The following CCDC85A variants were observed in gnomAD, a reference collection of about 807,000 sequenced individuals.
The protein encoded by CCDC85A is coiled-coil domain containing 85A.
CCDC85A carries 38 observed loss-of-function variants against 50.2 expected under a neutral mutation model. The ratio of observed to expected loss-of-function variants is 0.76; its 90% CI spans 0.58 to 0.99. CCDC85A has a LOEUF of 0.99. Among genes scored for constraint, CCDC85A ranks in the 50% least tolerant of loss-of-function variants. The pLI is 0.00. For missense variants in CCDC85A, 820 were observed against 742.0 expected (o/e 1.11, Z -1.22); for synonymous variants, 366 against 301.4 (o/e 1.21, Z -2.22).
chr2:56,255,876 G>C (rs570495574), intron 2 of CCDC85A, among the ~76,000 whole-genome samples: 1 of 152,264 alleles, frequency 6.6e-6, no homozygotes, highest in Non-Finnish European at 1.5e-5. Flanking sequence ...AGAGACAAGA[G>C]TGGAAGAAAT....
chr2:56,220,996 A>G (rs928190361), intron 2 of CCDC85A, among the ~76,000 whole-genome samples: 1 of 151,956 alleles, frequency 6.6e-6, no homozygotes, highest in Non-Finnish European at 1.5e-5. Flanking sequence ...CATTTGGCCC[A>G]CTGGATTGGA....
chr2:56,184,457 A>T lies in CCDC85A; in HGVS notation c.-168A>T, dbSNP rs1675902840. The T allele has an allele frequency of 2.8e-6, 2 of 707,676 alleles. No homozygotes were observed. The highest frequency in any genetic ancestry group is 4.6e-5 in the Admixed American group (1 of 21,796). The allele number at this position is 707,676 out of a possible 1,614,324, so 43.8% of individuals were successfully genotyped here. A position where few individuals can be genotyped will look rare whatever the true frequency, so the allele number is the denominator to read the frequency against. On this transcript the variant is annotated 5_prime_UTR_variant, in exon 1 of 6. The change abolishes an upstream ATG in the 5' untranslated region. Transcript: ENST00000407595. ...GCGCGCGCGGGGATGGCGAGGTAGG[A>T]TGGCCACCCAGCGCGACCCCCGCCG...
At chr2:56,233,264 T>G (rs1434524876) in intron 2 of CCDC85A, among the ~76,000 whole-genome samples, 1 of 150,724 alleles carries the variant, frequency 6.6e-6, no homozygotes, top group African/African-American at 2.5e-5. Flanking sequence ...TAAGTCAAAT[T>G]ACATAACAGG....
chr2:56,251,782 C>G (rs994919150), intron 2 of CCDC85A, among the ~76,000 whole-genome samples: 6 of 151,968 alleles, frequency 3.9e-5, no homozygotes, highest in Admixed American at 2.0e-4. Flanking sequence ...GGATAAGGAC[C>G]AGGAAGCTCT....
At chr2:56,336,616 C>A (rs1674087522) in intron 2 of CCDC85A, among the ~76,000 whole-genome samples, 1 of 152,132 alleles carries the variant, frequency 6.6e-6, no homozygotes, top group Non-Finnish European at 1.5e-5. Flanking sequence ...CAATAATAAA[C>A]CTTTTATATA....
chr2:56,336,319 A>G (rs1159622094), intron 2 of CCDC85A, among the ~76,000 whole-genome samples: 1 of 151,850 alleles, frequency 6.6e-6, no homozygotes, highest in African/African-American at 2.4e-5. Flanking sequence ...ACACCTGGCT[A>G]ATTTTTGTAT....
At chr2:56,356,235 C>G (rs922968636) in intron 3 of CCDC85A, among the ~76,000 whole-genome samples, 15 of 152,294 alleles carry the variant, frequency 9.8e-5, no homozygotes, top group Admixed American at 4.6e-4. Flanking sequence ...TTAACAGAAG[C>G]TACAGTTAAA....
intron 2 of CCDC85A, among the ~76,000 whole-genome samples, chr2:56,269,710 C>T (rs1054216472): frequency 2.0e-5 from 3 of 152,172 alleles, no homozygotes; most frequent in African/African-American, 7.2e-5. Context: ...TGTCTTAATT[C>T]TCCCATTAGC....
intron 2 of CCDC85A, among the ~76,000 whole-genome samples, chr2:56,262,999 A>G (rs780213931): frequency 6.6e-6 from 1 of 152,188 alleles, no homozygotes; most frequent in African/African-American, 2.4e-5. Context: ...CACTTAAAGC[A>G]TTGATTAACA....
chr2:56,375,812 TA>T lies in CCDC85A; in HGVS notation c.1453-2del, dbSNP rs1256981010. 8 of 1,613,192 alleles carry T rather than the reference TA, an allele frequency of 5.0e-6. No homozygotes were observed. The highest frequency in any genetic ancestry group is 6.8e-6 in the Non-Finnish European group (8 of 1,179,664). ...AATAACAAAGTTGTTGATTTTCTAC[TA>T]AGGGTTCTTTTAGGTTGTCATCAGG... On this transcript the variant is annotated splice_region_variant and splice_polypyrimidine_tract_variant and intron_variant, in intron 4 of 5. Transcript: ENST00000407595.
Position 56,192,231 on chromosome 2 carries a change from C to T in CCDC85A, c.277-246C>T, listed in dbSNP as rs1676328237. On this transcript the variant is annotated intron_variant, in intron 1 of 5. Transcript: ENST00000407595. The surrounding 1 kb of genome is among the most constrained non-coding windows in gnomAD (Gnocchi z 4.7). ...TTATGGCCATACTAATTATTATCCCCTAAATGTTTGGGTAAAAATTAGATG... is the reference window on the plus strand; with the variant it reads ...TTATGGCCATACTAATTATTATCCCTTAAATGTTTGGGTAAAAATTAGATG... Among the ~76,000 whole-genome samples the T allele has an allele frequency of 6.6e-6, 1 of 151,160 alleles. No homozygotes were observed. Among genetic ancestry groups the T allele is most frequent in the Non-Finnish European group, 1.5e-5 (1 of 67,926 alleles).
At chr2:56,193,553 G>T in intron 2 of CCDC85A, 113 bp downstream of exon 2, 2 of 1,252,566 alleles carry the variant, frequency 1.6e-6, no homozygotes, top group South Asian at 3.2e-5. Flanking sequence ...CTAGGGAGTG[G>T]GTTTGGGGAA....
intron 2 of CCDC85A, among the ~76,000 whole-genome samples, chr2:56,332,610 T>C (rs568946195): frequency 5.9e-5 from 9 of 152,156 alleles, no homozygotes; most frequent in Admixed American, 2.0e-4. Flanking sequence ...AGGTGCTCTT[T>C]CTCCCTTTTT....
chr2:56,281,656 A>T (rs372511190), intron 2 of CCDC85A, among the ~76,000 whole-genome samples: 9 of 152,162 alleles, frequency 5.9e-5, no homozygotes, highest in African/African-American at 2.2e-4. Context: ...TTTTGTTTGC[A>T]TTTCTCTGAT....
chr2:56,257,897 G>T (rs528937388), intron 2 of CCDC85A, among the ~76,000 whole-genome samples: 1 of 152,276 alleles, frequency 6.6e-6, no homozygotes, highest in African/African-American at 2.4e-5. Flanking sequence ...GAGGGGGAGA[G>T]AAAGGTAATG....
intron 2 of CCDC85A, among the ~76,000 whole-genome samples, chr2:56,218,687 A>G (rs1238715205): frequency 6.6e-6 from 1 of 151,864 alleles, no homozygotes; most frequent in Non-Finnish European, 1.5e-5. Flanking sequence ...TCAGGATTCT[A>G]TCCCAGACTA....
chr2:56,233,236 A>C (rs1668851698), intron 2 of CCDC85A, among the ~76,000 whole-genome samples: 1 of 152,134 alleles, frequency 6.6e-6, no homozygotes, highest in Non-Finnish European at 1.5e-5. Context: ...TAGGCAAGGA[A>C]ATTGAGACTG....
intron 2 of CCDC85A, among the ~76,000 whole-genome samples, chr2:56,309,750 G>A (rs2104220595): frequency 6.6e-6 from 1 of 152,246 alleles, no homozygotes; most frequent in East Asian, 1.9e-4. Context: ...TGACTATTGT[G>A]CTGAGGACCT....
chr2:56,184,285 A>C lies in CCDC85A; in HGVS notation c.-340A>C. ...TTAGGGCGGAGGAGAGGGCAGGGGA[A>C]CGGCGGTGCAGCTCCCCCGCTGTCC... On this transcript the variant is annotated 5_prime_UTR_variant, in exon 1 of 6. Coordinates refer to ENST00000407595, the MANE Select transcript of CCDC85A (RefSeq NM_001080433.2). 6.9e-6 allele frequency: 5 copies of C among 723,202 alleles called. No individual in the cohort carries two copies. Among genetic ancestry groups the C allele is most frequent in the Non-Finnish European group, 8.7e-6 (5 of 572,182 alleles). 44.8% of individuals were successfully genotyped at this position (723,202 alleles called of 1,614,324 possible).
Sources: gnomAD v4.1 joint callset for allele counts (sites outside exome capture counted in the v4.1 genomes callset) on GRCh38, gnomAD v4.1.1 for gene constraint, Gnocchi (gnomAD v3.1) non-coding constraint, MANE v1.5 for transcripts, NCBI Gene and HGNC (gene_info 2026-07-23, HGNC 2026-07-21) for gene names.